The following SLC25A33 variants were observed in gnomAD, a reference collection of about 807,000 sequenced individuals.
SLC25A33 encodes bone marrow stromal cell mitochondrial carrier protein.
A neutral mutation model predicts 35.5 loss-of-function variants in SLC25A33; 15 were observed. That is an observed-to-expected ratio of 0.42 (90% confidence interval 0.28 to 0.65). The LOEUF is 0.65. Among genes scored for constraint, SLC25A33 ranks in the 30% least tolerant of loss-of-function variants. The pLI is 0.20. For synonymous variants in SLC25A33, 136 were observed against 148.7 expected, an observed-to-expected ratio of 0.91 and a Z score of 0.62; for missense variants, 257 against 398.5, an observed-to-expected ratio of 0.64 and a Z score of 3.02.
intron 4 of SLC25A33, among the ~76,000 whole-genome samples, chr1:9,570,663 TGATATAGATAGATA>T (rs1159890118): frequency 1.3e-4 from 20 of 151,220 alleles, no homozygotes; most frequent in East Asian, 7.8e-4. Context: ...GCCCATCAAA[TGATATAGATAGATA>T]GATATAGATA....
At chr1:9,557,702 T>C (rs1334661293) in intron 2 of SLC25A33, among the ~76,000 whole-genome samples, 3 of 152,224 alleles carry the variant, frequency 2.0e-5, no homozygotes, top group South Asian at 4.1e-4. Context: ...AAGCTACTTA[T>C]CATTGTAAAA....
intron 4 of SLC25A33, among the ~76,000 whole-genome samples, chr1:9,571,801 G>A (rs1391784795): frequency 1.3e-5 from 2 of 152,042 alleles, no homozygotes; most frequent in Non-Finnish European, 2.9e-5. Flanking sequence ...ACCATGCCCA[G>A]CTAATTTTTT....
At chr1:9,553,540 G>T (rs1643299116) in intron 1 of SLC25A33, 86 bp from the exon 2 acceptor site, 4 of 1,518,438 alleles carry the variant, frequency 2.6e-6, no homozygotes. Context: ...GCACGTTCTA[G>T]TTTTAAAGAG....
At chr1:9,556,140 C>G in intron 2 of SLC25A33, 1 of 953,974 alleles carries the variant, frequency 1.0e-6, no homozygotes, top group Non-Finnish European at 1.2e-6. Flanking sequence ...CAAGATGGGA[C>G]TGTGAGAACA....
intron 3 of SLC25A33, among the ~76,000 whole-genome samples, chr1:9,569,825 G>A (rs992270845): frequency 2.6e-5 from 4 of 152,080 alleles, no homozygotes; most frequent in African/African-American, 9.7e-5. Context: ...GGCTGTTCCT[G>A]TGTGTTCCCG....
At chr1:9,545,628 C>T (rs1643156049) in intron 1 of SLC25A33, among the ~76,000 whole-genome samples, 5 of 149,682 alleles carry the variant, frequency 3.3e-5, no homozygotes, top group African/African-American at 7.3e-5. Flanking sequence ...GTCTTGAACT[C>T]CTGATCTCGT....
chr1:9,570,299 T>G lies in SLC25A33; in HGVS notation c.356T>G (p.Phe119Cys). ...FACYSKAKEQ[F>C]NGIFVPNSNI... ...TGTTACTCCAAAGCCAAAGAGCAAT[T>G]TAATGGCATTTTCGTGCCTAACAGC... The change falls in exon 4 of 7, where the codon TTT (phenylalanine) becomes TGT (cysteine). Residue 119 changes from phenylalanine to cysteine, a missense_variant. Phe to Cys is a radical substitution (Grantham distance 205). Transcript: ENST00000302692. The G allele has an allele frequency of 6.2e-7, 1 of 1,614,152 alleles. No homozygotes were observed. The highest frequency in any genetic ancestry group is 8.5e-7 in the Non-Finnish European group (1 of 1,180,022).
At chr1:9,558,541 A>T (rs1193195332) in intron 2 of SLC25A33, among the ~76,000 whole-genome samples, 1 of 152,188 alleles carries the variant, frequency 6.6e-6, no homozygotes, top group Admixed American at 6.5e-5. Flanking sequence ...TAACATGAGC[A>T]AAACAGAACT....
intron 1 of SLC25A33, among the ~76,000 whole-genome samples, chr1:9,544,695 A>G (rs1202397819): frequency 6.6e-6 from 1 of 152,214 alleles, no homozygotes; most frequent in African/African-American, 2.4e-5. Flanking sequence ...AAAGATTAGG[A>G]TTGCAGGATG....
At chr1:9,567,212 G>A (rs1210074058) in intron 2 of SLC25A33, 72 bp from the exon 3 acceptor site, 8 of 1,252,998 alleles carry the variant, frequency 6.4e-6, no homozygotes, top group Middle Eastern at 1.9e-4. Flanking sequence ...CTAATGAGAA[G>A]GTTGACTCTT....
intron 2 of SLC25A33, among the ~76,000 whole-genome samples, chr1:9,565,809 C>T (rs1490447020): frequency 1.1e-4 from 17 of 149,880 alleles, no homozygotes; most frequent in Non-Finnish European, 2.2e-4. Context: ...ACCTGGGAGG[C>T]GGAGCTTGCA....
At chr1:9,579,869 C>A in intron 5 of SLC25A33, 85 bp from the exon 6 acceptor site, 1 of 1,444,032 alleles carries the variant, frequency 6.9e-7, no homozygotes, top group Non-Finnish European at 9.4e-7. Flanking sequence ...ATAAGGAAGA[C>A]CCGTACCTGT....
intron 2 of SLC25A33, among the ~76,000 whole-genome samples, chr1:9,564,758 A>ATG (rs1557531729): frequency 1.0e-4 from 14 of 139,562 alleles, no homozygotes; most frequent in Non-Finnish European, 1.8e-4. Flanking sequence ...ATATATATAT[A>ATG]TATATATACA....
intron 2 of SLC25A33, 70 bp from the exon 3 acceptor site, chr1:9,567,214 T>C: frequency 7.8e-7 from 1 of 1,278,778 alleles, no homozygotes. Flanking sequence ...AATGAGAAGG[T>C]TGACTCTTTA....
rs1410829336 is a variant in SLC25A33, at chr1:9,583,617, T to C, written c.*1116T>C. On this transcript the variant is annotated 3_prime_UTR_variant, in exon 7 of 7. Transcript: ENST00000302692. ...TTTAGCCCTGTTCTTGGACCTCTGC[T>C]CTTGCAGAAAAGGAGCACAACGTAG... 3 of 151,984 alleles carry C rather than the reference T, an allele frequency of 2.0e-5. No individual in the cohort carries two copies. Among genetic ancestry groups the C allele is most frequent in the Admixed American group, 6.6e-5 (1 of 15,238 alleles). 9.4% of individuals were successfully genotyped at this position (151,984 alleles called of 1,614,324 possible).
chr1:9,573,489 C>A, intron 5 of SLC25A33, 77 bp downstream of exon 5: 1 of 1,200,338 alleles, frequency 8.3e-7, no homozygotes, highest in Non-Finnish European at 1.2e-6. Flanking sequence ...CTCCACATCT[C>A]TAAGGATGAG....
chr1:9,566,326 C>T (rs760321398), intron 2 of SLC25A33, among the ~76,000 whole-genome samples: 10 of 152,176 alleles, frequency 6.6e-5, no homozygotes, highest in Non-Finnish European at 1.3e-4. Context: ...CAGGTATGAG[C>T]ACTGAGCTGG....
chr1:9,546,776 G>A (rs1337253359), intron 1 of SLC25A33, among the ~76,000 whole-genome samples: 1 of 152,064 alleles, frequency 6.6e-6, no homozygotes, highest in African/African-American at 2.4e-5. Context: ...CTGAACTCTA[G>A]AGGGAGCACA....
At chr1:9,557,622 C>G (rs764079981) in intron 2 of SLC25A33, among the ~76,000 whole-genome samples, 2 of 152,148 alleles carry the variant, frequency 1.3e-5, no homozygotes, top group African/African-American at 2.4e-5. Context: ...TTGAATATAA[C>G]TGAGCATGAT....
Sources: allele counts gnomAD v4.1 joint callset (sites outside exome capture counted in the v4.1 genomes callset), GRCh38; gene constraint gnomAD v4.1.1; transcripts MANE v1.5; gene names NCBI Gene and HGNC (gene_info 2026-07-23, HGNC 2026-07-21).